ATP9A: variants seen among roughly 807,000 people sequenced by gnomAD.
ATP9A encodes ATPase phospholipid transporting 9A, also known as probable phospholipid-transporting ATPase IIA.
Under a neutral mutation model 144.1 loss-of-function variants are expected in ATP9A, and 52 were observed. That is an observed-to-expected ratio of 0.36 (90% CI 0.29 to 0.45). The LOEUF is 0.45. ATP9A is among the 20% of genes least tolerant of loss of function. The probability of loss-of-function intolerance (pLI) is 1.00; values close to 1 mark genes in which losing one functional copy is unlikely to be tolerated. For synonymous variants in ATP9A, 582 were observed against 557.4 expected (o/e 1.04, Z -0.62); for missense variants, 947 against 1,392.7 (o/e 0.68, Z 5.09).
Position 51,670,006 on chromosome 20 carries a change from A to T in ATP9A, c.1284T>A (p.Ile428=). 6.2e-7 allele frequency: 1 copy of T among 1,613,500 alleles called. No homozygotes were observed. The highest frequency in any genetic ancestry group is 8.5e-7 in the Non-Finnish European group (1 of 1,179,542). ...AAATGGAAGGCTTTACCTGGGTGTA[A>T]ATGCTGAAAATGTGGCTTTGTACTT... is the stretch of plus-strand genomic sequence containing the variant. The part of the protein sequence containing the change: ...MDEVQSHIFS[I]YTQQSQDPPA... Residue 428 remains isoleucine, a synonymous_variant, in exon 13 of 28, where the codon ATT becomes ATA. Transcript: ENST00000338821.
intron 1 of ATP9A, among the ~76,000 whole-genome samples, chr20:51,760,158 G>A (rs1019555096): frequency 1.3e-5 from 2 of 152,142 alleles, no homozygotes; most frequent in African/African-American, 4.8e-5. Context: ...AGGAAGGCTG[G>A]GATGTGCCAC....
In ATP9A at chr20:51,696,260, G is replaced by GA. The variant is rs2122827166; in HGVS notation, c.496-117dup. On this transcript the variant is annotated intron_variant, in intron 5 of 27. Transcript: ENST00000338821. Reference sequence around the variant, plus strand: ...TCGGTGGGTTGGGGCAGGGGGGACTGAAACTCACAGACTCTTTTACGTTTC... The same window carrying GA: ...TCGGTGGGTTGGGGCAGGGGGGACTGAAAACTCACAGACTCTTTTACGTTTC... The GA allele has an allele frequency of 5.5e-6, 4 of 733,062 alleles. No individual in the cohort carries two copies. In the East Asian group the frequency reaches 7.6e-5, roughly 14 times the overall value. 45.4% of individuals were successfully genotyped at this position (733,062 alleles called of 1,614,324 possible). A position where few individuals can be genotyped will look rare whatever the true frequency, so the allele number is the denominator to read the frequency against.
intron 1 of ATP9A, among the ~76,000 whole-genome samples, chr20:51,751,261 G>GTTTT (rs201983884): frequency 6.9e-5 from 8 of 115,504 alleles, no homozygotes; most frequent in African/African-American, 9.8e-5. Flanking sequence ...GGTTTTTTTT[G>GTTTT]TTTTTTTTTT....
intron 13 of ATP9A, among the ~76,000 whole-genome samples, chr20:51,658,516 CTTT>C (rs35371153): frequency 3.7e-5 from 4 of 106,890 alleles, no homozygotes; most frequent in East Asian, 3.0e-4. Context: ...CCTATGCTTC[CTTT>C]TTTTTTTTTT....
chr20:51,720,294 A>C (rs116581417), intron 3 of ATP9A, among the ~76,000 whole-genome samples: 200 of 152,342 alleles, frequency 1.3e-3, no homozygotes, highest in African/African-American at 4.6e-3. Flanking sequence ...TTGTAGACCA[A>C]CTTTGTTAAA....
rs1294933232 is a variant in ATP9A, at chr20:51,638,069, TTTTATATATATATATA to T, written c.1668+1258_1668+1273del. Reference sequence around the variant, plus strand: ...TCCATGGCTAAGTAGCATTTCATCATTTTATATATATATATATATATATATATATATATATATATAT... The same window carrying T: ...TCCATGGCTAAGTAGCATTTCATCATTATATATATATATATATATATATAT... On this transcript the variant is annotated intron_variant, in intron 15 of 27. Transcript: ENST00000338821. Among the ~76,000 whole-genome samples the T allele has an allele frequency of 8.2e-3, 603 of 73,134 alleles. 43 individuals are homozygous for T. The highest frequency in any genetic ancestry group is 0.018 in the Middle Eastern group (3 of 168). The allele number at this position is 73,134 out of a possible 152,430, so 48.0% of individuals were successfully genotyped here.
chr20:51,656,016 A>G (rs2077385406), intron 14 of ATP9A, among the ~76,000 whole-genome samples: 1 of 152,194 alleles, frequency 6.6e-6, no homozygotes, highest in African/African-American at 2.4e-5. Flanking sequence ...TAAGTAAAAC[A>G]GGCCAATCAC....
chr20:51,697,832 G>C (rs1393990840), intron 4 of ATP9A, among the ~76,000 whole-genome samples: 1 of 152,046 alleles, frequency 6.6e-6, no homozygotes, highest in Non-Finnish European at 1.5e-5. Context: ...AAAGTACCGG[G>C]GGAAAAAAGT....
At chr20:51,617,101 C>A (rs1308190610) in intron 22 of ATP9A, among the ~76,000 whole-genome samples, 12 of 151,982 alleles carry the variant, frequency 7.9e-5, no homozygotes, top group Non-Finnish European at 1.5e-4. Context: ...ACCACCATGC[C>A]CAGCTAATTT....
At chr20:51,680,492 C>T (rs2077495681) in intron 9 of ATP9A, among the ~76,000 whole-genome samples, 1 of 152,172 alleles carries the variant, frequency 6.6e-6, no homozygotes, top group Non-Finnish European at 1.5e-5. Context: ...CATCCCTCCC[C>T]TTATCCTTCA....
chr20:51,727,274 CAA>C (rs536544760), intron 2 of ATP9A, among the ~76,000 whole-genome samples: 4 of 135,418 alleles, frequency 3.0e-5, no homozygotes, highest in Admixed American at 7.5e-5. Flanking sequence ...AACTCCATCT[CAA>C]AAAAAAAAAA....
intron 1 of ATP9A, among the ~76,000 whole-genome samples, chr20:51,755,412 G>A (rs2077851502): frequency 6.6e-6 from 1 of 151,960 alleles, no homozygotes; most frequent in African/African-American, 2.4e-5. Flanking sequence ...TCCAGCCTGG[G>A]TGAAAGAACA....
chr20:51,734,534 T>A (rs889200098), intron 1 of ATP9A: 1 of 152,282 alleles, frequency 6.6e-6, no homozygotes, highest in African/African-American at 2.4e-5. Context: ...GGTGCAGACA[T>A]GTCCAAGTCC....
chr20:51,750,945 T>G (rs1046670393), intron 1 of ATP9A, among the ~76,000 whole-genome samples: 3 of 152,180 alleles, frequency 2.0e-5, no homozygotes, highest in African/African-American at 7.2e-5. Context: ...GGCACTGCTA[T>G]GGGAGCGTCC....
At chr20:51,678,775 G>A (rs2077487888) in intron 9 of ATP9A, among the ~76,000 whole-genome samples, 1 of 152,156 alleles carries the variant, frequency 6.6e-6, no homozygotes, top group African/African-American at 2.4e-5. Context: ...GACCCCAAAG[G>A]GAGTGCCCTC....
intron 3 of ATP9A, among the ~76,000 whole-genome samples, chr20:51,723,480 A>C (rs1242926552): frequency 6.6e-6 from 1 of 151,598 alleles, no homozygotes; most frequent in Non-Finnish European, 1.5e-5. Flanking sequence ...GGGCTGGGGC[A>C]GGAGGATTCC....
At position 51,638,071 on chromosome 20, in the gene ATP9A, T is replaced by TATATATACA. The variant is rs58144454; in HGVS notation, c.1668+1271_1668+1272insTGTATATAT. ...CATGGCTAAGTAGCATTTCATCATT[T>TATATATACA]TATATATATATATATATATATATAT... On this transcript the variant is annotated intron_variant, in intron 15 of 27. Transcript: ENST00000338821. 5.9e-5 allele frequency among the ~76,000 whole-genome samples: 2 copies of TATATATACA among 34,164 alleles called. 1 individual carries two copies. Among genetic ancestry groups the TATATATACA allele is most frequent in the African/African-American group, 1.7e-4 (2 of 11,608 alleles). 22.4% of individuals were successfully genotyped at this position (34,164 alleles called of 152,430 possible). A position where few individuals can be genotyped will look rare whatever the true frequency, so the allele number is the denominator to read the frequency against.
chr20:51,656,931 G>C lies in ATP9A; in HGVS notation c.1506+7C>G. ...CCCCATGCCTTGCTGCACCTGCCCA[G>C]GTTTACCTCATCGGGGCTGGATGCC... is the stretch of plus-strand genomic sequence containing the variant. On this transcript the variant is annotated splice_region_variant and intron_variant, in intron 14 of 27. Transcript: ENST00000338821. 2 of 1,612,684 alleles carry C rather than the reference G, an allele frequency of 1.2e-6. No individual in the cohort carries two copies. Among genetic ancestry groups the C allele is most frequent in the Non-Finnish European group, 1.7e-6 (2 of 1,179,532 alleles).
At chr20:51,739,911 C>T (rs1396993881) in intron 1 of ATP9A, among the ~76,000 whole-genome samples, 1 of 152,138 alleles carries the variant, frequency 6.6e-6, no homozygotes, top group Non-Finnish European at 1.5e-5. Context: ...GAAAATGAAG[C>T]CCCCAAGGAG....
Sources: allele counts gnomAD v4.1 joint callset (sites outside exome capture counted in the v4.1 genomes callset), GRCh38; gene constraint gnomAD v4.1.1; transcripts MANE v1.5; gene names NCBI Gene and HGNC (gene_info 2026-07-23, HGNC 2026-07-21).